HDGFL3: variants seen among roughly 807,000 people sequenced by gnomAD.
HDGFL3 encodes hepatoma-derived growth factor-related protein 3.
A neutral mutation model predicts 27.6 loss-of-function variants in HDGFL3; 6 were observed. The observed-to-expected ratio is 0.22, with a 90% confidence interval of 0.12 to 0.43. The LOEUF is 0.43. Ranked by LOEUF, HDGFL3 falls within the 20% of genes least tolerant of loss-of-function variation. The pLI, the probability that HDGFL3 is intolerant of heterozygous loss-of-function variation, is 1.00. For synonymous variants in HDGFL3, 88 were observed against 88.9 expected, an observed-to-expected ratio of 0.99 and a Z score of 0.05; for missense variants, 207 against 250.1, an observed-to-expected ratio of 0.83 and a Z score of 1.16.
chr15:83,190,284 TACA>T (rs1324827169), intron 1 of HDGFL3, among the ~76,000 whole-genome samples: 2 of 152,078 alleles, frequency 1.3e-5, no homozygotes, highest in African/African-American at 4.8e-5. Flanking sequence ...AAAATTCTTG[TACA>T]TATCTTCTGT....
At chr15:83,195,956 G>A (rs2037565635) in intron 1 of HDGFL3, among the ~76,000 whole-genome samples, 1 of 151,934 alleles carries the variant, frequency 6.6e-6, no homozygotes, top group South Asian at 2.1e-4. Flanking sequence ...TTATGTGCTA[G>A]AAAGTATGAA....
chr15:83,169,252 A>T, intron 1 of HDGFL3: 1 of 444,586 alleles, frequency 2.2e-6, no homozygotes, highest in South Asian at 1.6e-5. Context: ...ATAGTACTGG[A>T]ATGCCAGTCA....
chr15:83,170,341 A>C (rs1208745936), intron 1 of HDGFL3, among the ~76,000 whole-genome samples: 1 of 152,244 alleles, frequency 6.6e-6, no homozygotes, highest in Non-Finnish European at 1.5e-5. Context: ...ACATTAACCA[A>C]AACAGCATGG....
chr15:83,152,827 T>C (rs577775723), intron 4 of HDGFL3, among the ~76,000 whole-genome samples: 1 of 152,136 alleles, frequency 6.6e-6, no homozygotes, highest in Non-Finnish European at 1.5e-5. Flanking sequence ...ACTTTTTACA[T>C]GAAGGGAAAC....
intron 3 of HDGFL3, among the ~76,000 whole-genome samples, chr15:83,122,202 C>A (rs1310106551): frequency 6.6e-6 from 1 of 152,080 alleles, no homozygotes; most frequent in African/African-American, 2.4e-5. Context: ...CAGATGTGTG[C>A]ATTGAACAAT....
At chr15:83,174,281 T>G (rs1398600385) in intron 1 of HDGFL3, among the ~76,000 whole-genome samples, 1 of 152,166 alleles carries the variant, frequency 6.6e-6, no homozygotes, top group East Asian at 1.9e-4. Flanking sequence ...AGCCCCACAT[T>G]CAGCTGTTCC....
Position 83,136,572 on chromosome 15 carries a change from T to A in HDGFL3, c.*2698A>T. On this transcript the variant is annotated 3_prime_UTR_variant, in exon 6 of 6. Coordinates refer to ENST00000299633, the MANE Select transcript of HDGFL3 (RefSeq NM_016073.4). ...GAAGCAAAAATCCTTTTTTTAGCAT[T>A]AAACATAGCATATGGAGTTCTTCCT... The A allele has an allele frequency of 6.2e-7, 1 of 1,613,910 alleles. No homozygotes were observed. Among genetic ancestry groups the A allele is most frequent in the Non-Finnish European group, 8.5e-7 (1 of 1,179,884 alleles).
intron 3 of HDGFL3, chr15:83,122,740 TTCTC>T (rs1224064937): frequency 6.2e-7 from 1 of 1,610,686 alleles, no homozygotes; most frequent in Admixed American, 1.7e-5. Context: ...TTCTTTCTCT[TTCTC>T]TCTTTTAAAT....
chr15:83,198,054 C>CAAAAAAAAAAAAAAAAAAAAAAAAA (rs766372255), intron 1 of HDGFL3, among the ~76,000 whole-genome samples: 6 of 57,600 alleles, frequency 1.0e-4, no homozygotes, highest in African/African-American at 4.8e-4. Flanking sequence ...GACTCCGTCT[C>CAAAAAAAAAAAAAAAAAAAAAAAAA]AAAAAAAAAA....
chr15:83,206,416 AAAAAT>A (rs1184772133), intron 1 of HDGFL3, among the ~76,000 whole-genome samples: 2 of 152,226 alleles, frequency 1.3e-5, no homozygotes, highest in Non-Finnish European at 1.5e-5. Context: ...ATACAAAAAT[AAAAAT>A]AAAAAGGATT....
chr15:83,206,998 G>T (rs1024147435), intron 1 of HDGFL3, among the ~76,000 whole-genome samples: 27 of 152,340 alleles, frequency 1.8e-4, no homozygotes, highest in African/African-American at 6.5e-4. Context: ...CCTGCCCGGA[G>T]CCGAAGCCTC....
At position 83,137,912 on chromosome 15, in the gene HDGFL3, T is replaced by C. The variant is rs1157608363; in HGVS notation, c.*1358A>G. On this transcript the variant is annotated 3_prime_UTR_variant, in exon 6 of 6. Coordinates refer to ENST00000299633, the MANE Select transcript of HDGFL3 (RefSeq NM_016073.4). ...TTACAAAATCTAGGGTCCACTGGGC[T>C]GGTAAATATGTAAGTGTAAGCAAAT... is the stretch of plus-strand genomic sequence containing the variant. The C allele has an allele frequency of 6.6e-6, 1 of 151,974 alleles. No homozygotes were observed. The highest frequency in any genetic ancestry group is 1.5e-5 in the Non-Finnish European group (1 of 67,970). 9.4% of individuals were successfully genotyped at this position (151,974 alleles called of 1,614,324 possible). A position where few individuals can be genotyped will look rare whatever the true frequency, so the allele number is the denominator to read the frequency against.
At chr15:83,122,099 G>A in intron 3 of HDGFL3, 1 of 978,830 alleles carries the variant, frequency 1.0e-6, no homozygotes, top group Non-Finnish European at 1.6e-6. Flanking sequence ...AGAACCAAGT[G>A]ATTCCAAGCT....
At chr15:83,151,462 T>A in intron 4 of HDGFL3, 101 bp from the exon 5 acceptor site, 1 of 989,492 alleles carries the variant, frequency 1.0e-6, no homozygotes, top group Non-Finnish European at 1.5e-6. Context: ...CTAGTTTTAG[T>A]GGTTGATAGA....
chr15:83,126,497 G>T (rs556915637), downstream of HDGFL3, among the ~76,000 whole-genome samples: 1 of 152,182 alleles, frequency 6.6e-6, no homozygotes, highest in African/African-American at 2.4e-5. Flanking sequence ...GCCAAACCTA[G>T]ATACTTAAAC....
intron 5 of HDGFL3, chr15:83,144,909 A>G (rs1181758829): frequency 4.2e-6 from 1 of 237,024 alleles, no homozygotes; most frequent in Non-Finnish European, 8.4e-6. Context: ...TAAGCCAATC[A>G]GTGCATGGTG....
chr15:83,122,976 G>A, downstream of HDGFL3: 1 of 1,358,220 alleles, frequency 7.4e-7, no homozygotes, highest in African/African-American at 1.5e-5. Context: ...GTGGACTGGA[G>A]CATTTGGGGC....
chr15:83,176,216 C>A (rs2037307797), intron 1 of HDGFL3, among the ~76,000 whole-genome samples: 2 of 152,160 alleles, frequency 1.3e-5, no homozygotes, highest in Admixed American at 6.5e-5. Context: ...CTTGAGAAAG[C>A]CTTTACCCCT....
At chr15:83,202,674 C>T (rs764897599) in intron 1 of HDGFL3, among the ~76,000 whole-genome samples, 2 of 152,086 alleles carry the variant, frequency 1.3e-5, no homozygotes, top group African/African-American at 4.8e-5. Flanking sequence ...AACTTTCATA[C>T]AGTATAGTGC....
Sources: allele counts gnomAD v4.1 joint callset (sites outside exome capture counted in the v4.1 genomes callset), GRCh38; gene constraint gnomAD v4.1.1; transcripts MANE v1.5; gene names NCBI Gene and HGNC (gene_info 2026-07-23, HGNC 2026-07-21).